Variants in BASP1 observed in about 807,000 individuals in gnomAD.
BASP1 encodes brain acid soluble protein 1.
Under a neutral mutation model 2.2 loss-of-function variants are expected in BASP1, and 1 was observed. The observed-to-expected ratio is 0.46, with a 90% CI of 0.16 to 2.17. The LOEUF (loss-of-function observed/expected upper bound fraction) is 2.17. Ranked by LOEUF, BASP1 falls within the 30% of genes most tolerant of loss-of-function variation. The pLI, the probability that BASP1 is intolerant of heterozygous loss-of-function variation, is 0.27. For missense variants in BASP1, 352 were observed against 327.2 expected, an observed-to-expected ratio of 1.08 and a Z score of -0.58; for synonymous variants, 187 against 154.2, an observed-to-expected ratio of 1.21 and a Z score of -1.58.
chr5:17,248,747 A>G (rs1044916882), intron 1 of BASP1, among the ~76,000 whole-genome samples: 2 of 152,230 alleles, frequency 1.3e-5, no homozygotes, highest in African/African-American at 4.8e-5. Context: ...GGTGCCTACA[A>G]GATGGCACAG....
rs540848238 is a variant in BASP1, at chr5:17,236,272, CT to C, written c.-10+18470del. On this transcript the variant is annotated intron_variant, in intron 1 of 1. Transcript: ENST00000322611. This position sits in a 1 kb window ranked among gnomAD's most constrained non-coding sequence, Gnocchi z 4.0. ...GTTATCCAGAGAGCGAGTTTCTTTT[CT>C]TTTTTTTGGGATGGAGTTTCACTCT... Among the ~76,000 whole-genome samples, 5 of 151,798 alleles carry C rather than the reference CT, an allele frequency of 3.3e-5. No homozygotes were observed. Among genetic ancestry groups the C allele is most frequent in the African/African-American group, 4.8e-5 (2 of 41,342 alleles).
rs996113198 is a variant in BASP1, at chr5:17,260,624, C to T, written c.-9-14584C>T. On this transcript the variant is annotated intron_variant, in intron 1 of 1. Coordinates refer to ENST00000322611, the MANE Select transcript of BASP1 (RefSeq NM_006317.5). The surrounding 1 kb of genome is among the most constrained non-coding windows in gnomAD (Gnocchi z 4.2). ...TCTACTGCTGGTGAAAGGTAAGTTACATAACCCAACTTCTAGTCAGGGACT... is the reference window on the plus strand; with the variant it reads ...TCTACTGCTGGTGAAAGGTAAGTTATATAACCCAACTTCTAGTCAGGGACT... Among the ~76,000 whole-genome samples, 13 of 152,112 alleles carry T rather than the reference C, an allele frequency of 8.5e-5. No homozygotes were observed. The highest frequency in any genetic ancestry group is 1.8e-4 in the Non-Finnish European group (12 of 68,032).
At chr5:17,246,432 G>T (rs893168387) in intron 1 of BASP1, among the ~76,000 whole-genome samples, 2 of 152,140 alleles carry the variant, frequency 1.3e-5, no homozygotes, top group African/African-American at 4.8e-5. Flanking sequence ...AGGTTGCGGT[G>T]AGCCGAGATG....
chr5:17,272,122 G>C (rs768163487), intron 1 of BASP1, among the ~76,000 whole-genome samples: 1 of 151,492 alleles, frequency 6.6e-6, no homozygotes, highest in Non-Finnish European at 1.5e-5. Flanking sequence ...TCATTAAACT[G>C]TATGCTCATT....
chr5:17,235,092 A>G (rs1739714302), intron 1 of BASP1, among the ~76,000 whole-genome samples: 1 of 152,170 alleles, frequency 6.6e-6, no homozygotes, highest in Admixed American at 6.5e-5. Flanking sequence ...CTTAAAACAC[A>G]GTAAGAATAT....
chr5:17,255,208 A>G (rs1479142748), intron 1 of BASP1, among the ~76,000 whole-genome samples: 1 of 152,230 alleles, frequency 6.6e-6, no homozygotes, highest in Non-Finnish European at 1.5e-5. Context: ...GAAGTGACTC[A>G]ATCCATTTAT....
intron 1 of BASP1, among the ~76,000 whole-genome samples, chr5:17,267,816 C>CCTTTTTTTT (rs1740444186): frequency 6.7e-5 from 1 of 14,816 alleles, no homozygotes; most frequent in African/African-American, 2.7e-4. Flanking sequence ...CGCTCCCAGC[C>CCTTTTTTTT]CTTTTTTTTT....
chr5:17,226,706 G>A (rs1194721572), intron 1 of BASP1, among the ~76,000 whole-genome samples: 1 of 152,170 alleles, frequency 6.6e-6, no homozygotes, highest in African/African-American at 2.4e-5. Context: ...CACAGTGTCT[G>A]TATTTGCCTT....
rs1389518008 is a variant in BASP1, at chr5:17,236,571, T to C, written c.-10+18761T>C. ...TGAGCCACCGCGCTCGGCCGAGAGC[T>C]AGTTTCCTGATTGATAAAATGTTCA... On this transcript the variant is annotated intron_variant, in intron 1 of 1. Transcript: ENST00000322611. The surrounding 1 kb of genome is among the most constrained non-coding windows in gnomAD (Gnocchi z 4.0). Among the ~76,000 whole-genome samples the C allele has an allele frequency of 6.6e-6, 1 of 152,216 alleles. No homozygotes were observed. The highest frequency in any genetic ancestry group is 1.9e-4 in the East Asian group (1 of 5,200).
chr5:17,224,300 A>T (rs533669939), intron 1 of BASP1, among the ~76,000 whole-genome samples: 2 of 152,232 alleles, frequency 1.3e-5, no homozygotes. Flanking sequence ...ATTTTACTCT[A>T]TCTGTCAGGT....
At chr5:17,258,266 T>C (rs1181849982) in intron 1 of BASP1, among the ~76,000 whole-genome samples, 1 of 152,218 alleles carries the variant, frequency 6.6e-6, no homozygotes, top group Non-Finnish European at 1.5e-5. Flanking sequence ...TGCTTGTTTT[T>C]AGCTTTGTAA....
At chr5:17,220,886 C>A (rs1561162486) in intron 1 of BASP1, among the ~76,000 whole-genome samples, 1 of 152,116 alleles carries the variant, frequency 6.6e-6, no homozygotes, top group Non-Finnish European at 1.5e-5. Context: ...AGTATGACAT[C>A]AGAGAGAAAC....
chr5:17,226,262 A>G (rs992663298), intron 1 of BASP1, among the ~76,000 whole-genome samples: 2 of 152,260 alleles, frequency 1.3e-5, no homozygotes, highest in African/African-American at 4.8e-5. Context: ...CTGTGGTTCT[A>G]TTAGAGAAAA....
chr5:17,226,963 C>G (rs1238187027), intron 1 of BASP1, among the ~76,000 whole-genome samples: 1 of 148,096 alleles, frequency 6.8e-6, no homozygotes, highest in Admixed American at 6.8e-5. Context: ...TCGTTTTGCT[C>G]TGTCGCCCAG....
intron 1 of BASP1, among the ~76,000 whole-genome samples, chr5:17,223,825 G>A (rs1317699113): frequency 6.6e-6 from 1 of 152,142 alleles, no homozygotes; most frequent in African/African-American, 2.4e-5. Context: ...TTTGAAAGAA[G>A]TCTAAGTCAT....
chr5:17,238,806 CA>C, intron 1 of BASP1, among the ~76,000 whole-genome samples: 1 of 152,280 alleles, frequency 6.6e-6, no homozygotes, highest in African/African-American at 2.4e-5. Flanking sequence ...CATGCGTTTT[CA>C]AAGAATGTGT....
chr5:17,229,503 C>T (rs922990440), intron 1 of BASP1, among the ~76,000 whole-genome samples: 3 of 152,150 alleles, frequency 2.0e-5, no homozygotes, highest in African/African-American at 7.2e-5. Context: ...CTGCATTGTT[C>T]TAGGTCAGCA....
chr5:17,261,948 C>G (rs1446993977), intron 1 of BASP1, among the ~76,000 whole-genome samples: 1 of 152,156 alleles, frequency 6.6e-6, no homozygotes, highest in Non-Finnish European at 1.5e-5. Flanking sequence ...CGAAGTGACT[C>G]TAGGGTCCGT....
At chr5:17,243,854 A>G (rs900324753) in intron 1 of BASP1, among the ~76,000 whole-genome samples, 9 of 152,206 alleles carry the variant, frequency 5.9e-5, no homozygotes, top group Middle Eastern at 3.2e-3. Context: ...GTCCACTGCC[A>G]GCAGAAAACA....
Sources: allele counts gnomAD v4.1 joint callset (sites outside exome capture counted in the v4.1 genomes callset), GRCh38; gene constraint gnomAD v4.1.1; non-coding constraint Gnocchi (gnomAD v3.1); transcripts MANE v1.5; gene names NCBI Gene and HGNC (gene_info 2026-07-23, HGNC 2026-07-21).